The following CADM2 variants were observed in gnomAD, a reference collection of about 807,000 sequenced individuals.
CADM2 encodes cell adhesion molecule 2, also known as immunoglobulin superfamily member 4D.
In CADM2, 12 loss-of-function variants were observed where a neutral mutation model predicts 49.8. The ratio of observed to expected loss-of-function variants is 0.24; its 90% CI spans 0.15 to 0.39. The LOEUF is 0.39. Ranked by LOEUF, CADM2 falls within the 10% of genes least tolerant of loss-of-function variation. CADM2 has a pLI of 1.00. For missense variants in CADM2, 378 were observed against 492.3 expected, an observed-to-expected ratio of 0.77 and a Z score of 2.20; for synonymous variants, 214 against 175.4, an observed-to-expected ratio of 1.22 and a Z score of -1.74.
At chr3:85,048,481 T>G (rs929051335) in intron 1 of CADM2, among the ~76,000 whole-genome samples, 1 of 152,192 alleles carries the variant, frequency 6.6e-6, no homozygotes, top group East Asian at 1.9e-4. Flanking sequence ...CAAGAAAGAC[T>G]GTTGAGGCAG....
At chr3:85,575,556 C>G (rs1168028924) in intron 1 of CADM2, among the ~76,000 whole-genome samples, 3 of 151,764 alleles carry the variant, frequency 2.0e-5, no homozygotes, top group Non-Finnish European at 4.4e-5. Context: ...GTCTCAAAAA[C>G]AAAACATAAA....
intron 1 of CADM2, among the ~76,000 whole-genome samples, chr3:85,524,400 T>C (rs2061109255): frequency 6.6e-6 from 1 of 152,108 alleles, no homozygotes; most frequent in South Asian, 2.1e-4. Context: ...TGACACCTTG[T>C]TTTTCATTTT....
At chr3:85,233,285 G>A (rs1190199085) in intron 1 of CADM2, among the ~76,000 whole-genome samples, 1 of 152,028 alleles carries the variant, frequency 6.6e-6, no homozygotes, top group African/African-American at 2.4e-5. Flanking sequence ...TTAGGTCAGT[G>A]AAATTATTCT....
chr3:85,436,772 C>T (rs1011488579), intron 1 of CADM2, among the ~76,000 whole-genome samples: 7 of 152,176 alleles, frequency 4.6e-5, no homozygotes, highest in African/African-American at 1.4e-4. Flanking sequence ...ACTGCCTTCA[C>T]ACACTCATAA....
At chr3:85,152,526 CTAATAT>C (rs2039957240) in intron 1 of CADM2, among the ~76,000 whole-genome samples, 1 of 152,188 alleles carries the variant, frequency 6.6e-6, no homozygotes, top group South Asian at 2.1e-4. Flanking sequence ...TTTCTCAATA[CTAATAT>C]TGATTGTGGA....
intron 8 of CADM2, among the ~76,000 whole-genome samples, chr3:85,988,059 A>G (rs982915495): frequency 6.6e-6 from 1 of 152,178 alleles, no homozygotes; most frequent in Non-Finnish European, 1.5e-5. Context: ...TTGGGATAGA[A>G]GATGACCTTG....
chr3:85,595,229 A>G (rs1043521335), intron 1 of CADM2, among the ~76,000 whole-genome samples: 2 of 151,956 alleles, frequency 1.3e-5, no homozygotes, highest in Non-Finnish European at 2.9e-5. Flanking sequence ...GGTTTCATCT[A>G]TTAGAGTAGA....
intron 1 of CADM2, among the ~76,000 whole-genome samples, chr3:85,067,653 T>G (rs2036573991): frequency 6.6e-6 from 1 of 152,186 alleles, no homozygotes; most frequent in Non-Finnish European, 1.5e-5. Context: ...TTTTTCTTCC[T>G]GAAGCATGTC....
chr3:85,661,404 TA>T (rs2065399360), intron 1 of CADM2, among the ~76,000 whole-genome samples: 1 of 151,874 alleles, frequency 6.6e-6, no homozygotes. Flanking sequence ...TAAGTAGTTT[TA>T]AATGTGAAAT....
chr3:85,823,282 A>G (rs2073704563), intron 3 of CADM2, among the ~76,000 whole-genome samples: 1 of 152,172 alleles, frequency 6.6e-6, no homozygotes. Flanking sequence ...AAATTTTACG[A>G]AATAGCTAAG....
chr3:85,106,590 G>T (rs983225957), intron 1 of CADM2, among the ~76,000 whole-genome samples: 3 of 152,168 alleles, frequency 2.0e-5, no homozygotes, highest in Admixed American at 6.6e-5. Context: ...TAAGGCACAA[G>T]CTCCTTCTAT....
At chr3:85,436,032 T>C (rs959594412) in intron 1 of CADM2, among the ~76,000 whole-genome samples, 29 of 152,302 alleles carry the variant, frequency 1.9e-4, no homozygotes, top group African/African-American at 6.3e-4. Flanking sequence ...TTTAATTAGA[T>C]CCCATTTGTC....
intron 1 of CADM2, among the ~76,000 whole-genome samples, chr3:85,240,721 C>T (rs548497027): frequency 5.2e-4 from 79 of 151,542 alleles, no homozygotes; most frequent in Middle Eastern, 3.4e-3. Context: ...ATTTCAAAAT[C>T]CTGTTTATTT....
chr3:85,656,854 T>G (rs1264407720), intron 1 of CADM2, among the ~76,000 whole-genome samples: 1 of 152,130 alleles, frequency 6.6e-6, no homozygotes, highest in Non-Finnish European at 1.5e-5. Context: ...CCCCATTGCC[T>G]AATAAATTAA....
intron 8 of CADM2, among the ~76,000 whole-genome samples, chr3:86,006,431 G>A (rs1042624411): frequency 6.6e-6 from 1 of 152,182 alleles, no homozygotes; most frequent in Non-Finnish European, 1.5e-5. Flanking sequence ...CAGATAAGCT[G>A]TGTGTGACCT....
intron 1 of CADM2, among the ~76,000 whole-genome samples, chr3:85,725,908 G>C (rs2067679575): frequency 6.6e-6 from 1 of 152,000 alleles, no homozygotes; most frequent in Non-Finnish European, 1.5e-5. Context: ...TTACAGCACA[G>C]ATTCTGGAGT....
chr3:85,310,881 T>C (rs1281353232), intron 1 of CADM2, among the ~76,000 whole-genome samples: 1 of 152,112 alleles, frequency 6.6e-6, no homozygotes, highest in African/African-American at 2.4e-5. Context: ...TATAAAAATA[T>C]ATGTATTATA....
At chr3:85,810,532 G>GTTTTTTTTTTTTTT (rs71112120) in intron 3 of CADM2, among the ~76,000 whole-genome samples, 2 of 87,176 alleles carry the variant, frequency 2.3e-5, no homozygotes, top group South Asian at 4.5e-4. Flanking sequence ...ATAGAATTCT[G>GTTTTTTTTTTTTTT]TTTTTTTTTT....
intron 1 of CADM2, among the ~76,000 whole-genome samples, chr3:85,628,580 C>CACATATATAT (rs57235186): frequency 0.026 from 3,675 of 142,658 alleles, 163 homozygotes; most frequent in African/African-American, 0.085. Context: ...TATATACACA[C>CACATATATAT]ACATATATAT....
Sources: allele counts gnomAD v4.1 joint callset (sites outside exome capture counted in the v4.1 genomes callset), GRCh38; gene constraint gnomAD v4.1.1; transcripts MANE v1.5; gene names NCBI Gene and HGNC (gene_info 2026-07-23, HGNC 2026-07-21).